The following POM121C variants were observed in gnomAD, a reference collection of about 807,000 sequenced individuals.
The protein encoded by POM121C is nuclear envelope pore membrane protein POM 121C.
Under a neutral mutation model 66.4 loss-of-function variants are expected in POM121C, and 20 were observed. The observed-to-expected ratio is 0.30, with a 90% CI of 0.21 to 0.44. The LOEUF is 0.44. Ranked by LOEUF, POM121C falls within the 20% of genes least tolerant of loss-of-function variation. The pLI is 1.00. For synonymous variants in POM121C, 286 were observed against 528.0 expected, an observed-to-expected ratio of 0.54 and a Z score of 6.28; for missense variants, 580 against 1,225.7, an observed-to-expected ratio of 0.47 and a Z score of 7.87.
chr7:75,454,532 G>A (rs6964463), intron 3 of POM121C, among the ~76,000 whole-genome samples: 10,374 of 151,562 alleles, frequency 0.068, 542 homozygotes, highest in African/African-American at 0.23. Flanking sequence ...TCCAGTCAGC[G>A]GTGTCCCAGG....
chr7:75,424,057 G>C lies in POM121C; in HGVS notation c.1040C>G (p.Pro347Arg). Residue 347 changes from proline to arginine, a missense_variant, in exon 12 of 15, where the codon CCC becomes CGC. By Grantham distance (103) the Pro-to-Arg change is moderately radical. Coordinates refer to ENST00000615331, the MANE Select transcript of POM121C (RefSeq NM_001099415.3). ...GCCCCACTCCAGCTCACCTGGGCAG[G>C]GTGGCAGGCTCGGGGGAGTCTGCAT... ...KKMQTPPSLP[P>R]CPESAGAATT... The C allele has an allele frequency of 1.9e-6, 3 of 1,611,470 alleles. No homozygotes were observed. Among genetic ancestry groups the C allele is most frequent in the Non-Finnish European group, 2.5e-6 (3 of 1,179,582 alleles).
intron 3 of POM121C, among the ~76,000 whole-genome samples, chr7:75,456,934 G>A (rs1389699518): frequency 6.6e-6 from 1 of 150,850 alleles, no homozygotes; most frequent in Non-Finnish European, 1.5e-5. Context: ...ATCACCTGAG[G>A]TCAGGAGTTT....
chr7:75,481,036 T>A (rs1554480048), intron 1 of POM121C, among the ~76,000 whole-genome samples: 1 of 147,784 alleles, frequency 6.8e-6, no homozygotes, highest in African/African-American at 2.5e-5. Flanking sequence ...AAAAAATATA[T>A]ATATATATAT....
chr7:75,471,801 C>T (rs1225809555), intron 3 of POM121C, among the ~76,000 whole-genome samples: 2 of 152,212 alleles, frequency 1.3e-5, no homozygotes, highest in East Asian at 3.9e-4. Flanking sequence ...ACACACAACG[C>T]ACAACGCTAA....
chr7:75,424,513 C>A lies in POM121C; in HGVS notation c.871+13G>T. On this transcript the variant is annotated intron_variant, in intron 11 of 14. Transcript: ENST00000615331. The stretch of plus-strand genomic sequence containing the variant: ...TGAAACCTCTCGAGAGTGCAACGAT[C>A]TGTGCTCCTTACCACTCTTGTCCTC... 6.2e-7 allele frequency: 1 copy of A among 1,612,940 alleles called. No individual in the cohort carries two copies. The highest frequency in any genetic ancestry group is 8.5e-7 in the Non-Finnish European group (1 of 1,178,898).
intron 12 of POM121C, among the ~76,000 whole-genome samples, chr7:75,423,593 G>A (rs1789811945): frequency 2.0e-5 from 3 of 151,568 alleles, no homozygotes; most frequent in Admixed American, 6.6e-5. Context: ...GGGTGCGTAC[G>A]AACCCCAGGT....
chr7:75,455,160 G>A (rs1241110005), intron 3 of POM121C, among the ~76,000 whole-genome samples: 23 of 152,164 alleles, frequency 1.5e-4, no homozygotes, highest in African/African-American at 5.5e-4. Flanking sequence ...TGCTTCTCCA[G>A]ACACAATTTC....
chr7:75,458,053 T>C (rs1791304328), intron 3 of POM121C, among the ~76,000 whole-genome samples: 1 of 152,286 alleles, frequency 6.6e-6, no homozygotes, highest in African/African-American at 2.4e-5. Flanking sequence ...AGTGTGTTTA[T>C]GTAAAATTAA....
At chr7:75,439,072 C>A in intron 6 of POM121C, 72 bp downstream of exon 6, 3 of 1,536,502 alleles carry the variant, frequency 2.0e-6, no homozygotes. Flanking sequence ...AGAGGAAAAT[C>A]TATAGGGCAA....
Position 75,419,426 on chromosome 7 carries a change from G to C in POM121C, c.2760C>G (p.Thr920=). 1.2e-6 allele frequency: 2 copies of C among 1,613,556 alleles called. No individual in the cohort carries two copies. The highest frequency in any genetic ancestry group is 1.7e-6 in the Non-Finnish European group (2 of 1,179,716). ...CAGGCGCAGGGGTGTTCTGACCAAA[G>C]GTGGGGGTGGCGGTGCCTGGAATGA... The part of the protein sequence containing the change: ...KPVFGGTATP[T]FGQNTPAPGV... Residue 920 remains threonine (T), a synonymous_variant, in exon 14 of 15, where the codon ACC becomes ACG. Coordinates refer to ENST00000615331, the MANE Select transcript of POM121C (RefSeq NM_001099415.3).
rs782029915 is a variant in POM121C at position 75,421,897 on chromosome 7, G to A, written c.2355C>T (p.Gly785=). 6.8e-6 allele frequency: 11 copies of A among 1,612,492 alleles called. No homozygotes were observed. Among genetic ancestry groups the A allele is most frequent in the Admixed American group, 5.0e-5 (3 of 60,002 alleles). Residue 785 remains glycine, a synonymous_variant, in exon 13 of 15, where the codon GGC becomes GGT. Transcript: ENST00000615331. ...AGGCGGGCTGTGAGCTGGCGGGAGC[G>A]CCGAAGGCGGAAGCCGTGGCTTTCA... ...FGLKATASAF[G]APASSQPAFG...
Position 75,417,960 on chromosome 7 carries a change from C to A in POM121C, c.*836G>T. The stretch of plus-strand genomic sequence containing the variant: ...TCAGACAAAGGAACACAGGACAAGG[C>A]TTGAAACATACAATCCTGGAGAGGC... On this transcript the variant is annotated 3_prime_UTR_variant, in exon 15 of 15. Coordinates refer to ENST00000615331, the MANE Select transcript of POM121C (RefSeq NM_001099415.3). 1.0e-6 allele frequency: 1 copy of A among 984,986 alleles called. No individual in the cohort carries two copies. Among genetic ancestry groups the A allele is most frequent in the Non-Finnish European group, 1.2e-6 (1 of 829,728 alleles). The allele number at this position is 984,986 out of a possible 1,614,324, so 61.0% of individuals were successfully genotyped here. A position where few individuals can be genotyped will look rare whatever the true frequency, so the allele number is the denominator to read the frequency against.
intron 1 of POM121C, among the ~76,000 whole-genome samples, chr7:75,485,141 C>T (rs587753096): frequency 6.6e-6 from 1 of 152,086 alleles, no homozygotes; most frequent in East Asian, 1.9e-4. Flanking sequence ...CACTGCATCC[C>T]GCCCGCATTT....
chr7:75,448,218 C>CA (rs1198408486), intron 3 of POM121C, among the ~76,000 whole-genome samples: 1 of 151,846 alleles, frequency 6.6e-6, no homozygotes, highest in African/African-American at 2.4e-5. Context: ...GCCTGGGTAA[C>CA]AGAGCGAGAC....
intron 3 of POM121C, among the ~76,000 whole-genome samples, chr7:75,457,749 C>T (rs1301670758): frequency 2.0e-5 from 3 of 152,220 alleles, no homozygotes; most frequent in African/African-American, 4.8e-5. Flanking sequence ...ACTCTCCAAC[C>T]CATTTCCCGT....
Position 75,441,489 on chromosome 7 carries a change from C to T in POM121C, c.8G>A (p.Cys3Tyr). The change falls in exon 4 of 15, where the codon TGT becomes TAT. Residue 3 changes from cysteine to tyrosine, a missense_variant. Transcript: ENST00000615331. Reference sequence around the variant, plus strand: ...GGCGATCCTCACAGTCACTGGGCTACACACCATCCTGGAGTTGCGAGGGGA... The same window carrying T: ...GGCGATCCTCACAGTCACTGGGCTATACACCATCCTGGAGTTGCGAGGGGA... MV[C>Y]SPVTVRIAPP... is the part of the protein sequence containing the mutation. 6.2e-7 allele frequency: 1 copy of T among 1,613,838 alleles called. No homozygotes were observed. Among genetic ancestry groups the T allele is most frequent in the Non-Finnish European group, 8.5e-7 (1 of 1,179,788 alleles).
intron 5 of POM121C, among the ~76,000 whole-genome samples, chr7:75,440,292 G>A (rs1259878892): frequency 6.6e-6 from 1 of 151,312 alleles, no homozygotes; most frequent in African/African-American, 2.4e-5. Context: ...GGTGGGCCGG[G>A]CGCCATGGCT....
chr7:75,467,531 CAA>C (rs58341825), intron 3 of POM121C, among the ~76,000 whole-genome samples: 38 of 65,352 alleles, frequency 5.8e-4, no homozygotes, highest in Non-Finnish European at 2.4e-4. Context: ...GATTCTGTCT[CAA>C]AAAAAAAAAA....
chr7:75,481,030 A>AATATATATATATATAT (rs201637708), intron 1 of POM121C, among the ~76,000 whole-genome samples: 1 of 137,026 alleles, frequency 7.3e-6, no homozygotes, highest in Non-Finnish European at 1.6e-5. Context: ...TAGTTCAAAA[A>AATATATATATATATAT]ATATATATAT....
Sources: allele counts gnomAD v4.1 joint callset (sites outside exome capture counted in the v4.1 genomes callset), GRCh38; gene constraint gnomAD v4.1.1; transcripts MANE v1.5; gene names NCBI Gene and HGNC (gene_info 2026-07-23, HGNC 2026-07-21).